BMPR1A: variants seen among roughly 807,000 people sequenced by gnomAD.
BMPR1A encodes bone morphogenetic protein receptor type-1A.
In BMPR1A, 7 loss-of-function variants were observed where a neutral mutation model predicts 66.0. The ratio of observed to expected loss-of-function variants is 0.11; its 90% CI spans 0.06 to 0.20. The LOEUF (loss-of-function observed/expected upper bound fraction) is 0.20, where lower values mean the gene tolerates loss of function less well. Among genes scored for constraint, BMPR1A ranks in the 10% least tolerant of loss-of-function variants. The pLI is 1.00. For synonymous variants in BMPR1A, 200 were observed against 229.7 expected (o/e 0.87, Z 1.17); for missense variants, 408 against 669.1 (o/e 0.61, Z 4.31).
At chr10:86,910,229 C>T (rs182749043) in intron 7 of BMPR1A, among the ~76,000 whole-genome samples, 96 of 151,880 alleles carry the variant, frequency 6.3e-4, no homozygotes, top group Non-Finnish European at 1.1e-3. Context: ...CCCAGCTACT[C>T]GGGAGGCTGA....
chr10:86,890,273 A>G lies in BMPR1A; in HGVS notation c.230+49A>G, dbSNP rs1262952075. 2 of 1,597,400 alleles carry G rather than the reference A, an allele frequency of 1.3e-6. No homozygotes were observed. The highest frequency in any genetic ancestry group is 1.7e-6 in the Non-Finnish European group (2 of 1,165,942). On this transcript the variant is annotated intron_variant, in intron 4 of 12. Coordinates refer to ENST00000372037, the MANE Select transcript of BMPR1A (RefSeq NM_004329.3). ...TTAAGAGTTAGGAGAATAGAGTTGC[A>G]TTTAGTGCTATTTTAAGAATTATTA... is the stretch of plus-strand genomic sequence containing the variant.
chr10:86,815,100 T>C (rs1440604304), intron 1 of BMPR1A, among the ~76,000 whole-genome samples: 1 of 152,220 alleles, frequency 6.6e-6, no homozygotes, highest in African/African-American at 2.4e-5. Context: ...CATTTTCTTA[T>C]AATAACTTCT....
intron 1 of BMPR1A, among the ~76,000 whole-genome samples, chr10:86,787,556 C>T (rs950201902): frequency 6.6e-6 from 1 of 152,170 alleles, no homozygotes; most frequent in African/African-American, 2.4e-5. Flanking sequence ...CTATAATGCT[C>T]ACCTATTAAA....
intron 7 of BMPR1A, among the ~76,000 whole-genome samples, chr10:86,905,445 C>T (rs1281518904): frequency 6.6e-6 from 1 of 152,202 alleles, no homozygotes; most frequent in Non-Finnish European, 1.5e-5. Flanking sequence ...CAAAAGTCTG[C>T]ATTTCCATTC....
intron 1 of BMPR1A, among the ~76,000 whole-genome samples, chr10:86,758,815 TTAAC>T (rs1263503478): frequency 6.6e-6 from 1 of 152,168 alleles, no homozygotes; most frequent in Non-Finnish European, 1.5e-5. Flanking sequence ...ATCAACACAT[TTAAC>T]TACCTTTTTC....
chr10:86,932,804 A>C (rs944715774), downstream of BMPR1A: 2 of 152,228 alleles, frequency 1.3e-5, no homozygotes, highest in Non-Finnish European at 2.9e-5. Context: ...GCCTCTTCAC[A>C]CTGCTTCTGA....
chr10:86,800,698 A>G (rs1564689220), intron 1 of BMPR1A, among the ~76,000 whole-genome samples: 1 of 152,180 alleles, frequency 6.6e-6, no homozygotes, highest in Non-Finnish European at 1.5e-5. Context: ...TGGCCAGGCG[A>G]TTTGTGTTTT....
At chr10:86,795,623 A>G (rs1243243901) in intron 1 of BMPR1A, among the ~76,000 whole-genome samples, 1 of 152,164 alleles carries the variant, frequency 6.6e-6, no homozygotes, top group African/African-American at 2.4e-5. Flanking sequence ...TGCATTTGCC[A>G]CTATGTCTTC....
intron 1 of BMPR1A, among the ~76,000 whole-genome samples, chr10:86,789,977 A>G (rs1841576959): frequency 6.7e-6 from 1 of 150,186 alleles, no homozygotes; most frequent in African/African-American, 2.4e-5. Flanking sequence ...TAACACAGCG[A>G]AACCCCGTCT....
At chr10:86,873,097 G>A (rs2133303349) in intron 2 of BMPR1A, among the ~76,000 whole-genome samples, 1 of 152,206 alleles carries the variant, frequency 6.6e-6, no homozygotes, top group African/African-American at 2.4e-5. Flanking sequence ...AGCTCTGCAG[G>A]GTGCCTTGGT....
intron 2 of BMPR1A, among the ~76,000 whole-genome samples, chr10:86,845,791 A>G (rs369840690): frequency 1.3e-5 from 2 of 152,188 alleles, no homozygotes; most frequent in Admixed American, 6.5e-5. Flanking sequence ...AGGTCAGGAG[A>G]TCGAGACCAT....
At chr10:86,888,148 C>CTT (rs34024160) in intron 3 of BMPR1A, among the ~76,000 whole-genome samples, 32 of 138,306 alleles carry the variant, frequency 2.3e-4, no homozygotes, top group African/African-American at 3.4e-4. Context: ...AAACTTCCAG[C>CTT]TTTTTTTTTT....
At chr10:86,811,687 T>A (rs1041907271) in intron 1 of BMPR1A, among the ~76,000 whole-genome samples, 1 of 152,202 alleles carries the variant, frequency 6.6e-6, no homozygotes, top group Non-Finnish European at 1.5e-5. Flanking sequence ...AGACACACAA[T>A]GTGTGGTTGT....
intron 7 of BMPR1A, among the ~76,000 whole-genome samples, chr10:86,902,044 A>G (rs1843318211): frequency 6.6e-6 from 1 of 152,094 alleles, no homozygotes; most frequent in Admixed American, 6.5e-5. Context: ...TTTTTAGTAA[A>G]GACGGGGGTT....
intron 1 of BMPR1A, among the ~76,000 whole-genome samples, chr10:86,813,495 C>T (rs1459695479): frequency 6.6e-6 from 1 of 152,174 alleles, no homozygotes; most frequent in Non-Finnish European, 1.5e-5. Context: ...CCTCGGAATC[C>T]TGGTTTTCAA....
At chr10:86,884,942 T>G (rs1429922146) in intron 3 of BMPR1A, among the ~76,000 whole-genome samples, 4 of 151,974 alleles carry the variant, frequency 2.6e-5, no homozygotes, top group Non-Finnish European at 5.9e-5. Flanking sequence ...AACTATAATT[T>G]TTTATTGGCC....
chr10:86,890,370 A>G (rs564188521), intron 4 of BMPR1A, 146 bp downstream of exon 4: 6 of 856,888 alleles, frequency 7.0e-6, no homozygotes, highest in Admixed American at 5.1e-5. Context: ...TTTGTTTTGT[A>G]TATTAGAACA....
intron 1 of BMPR1A, among the ~76,000 whole-genome samples, chr10:86,826,417 C>CAT (rs1842196149): frequency 1.3e-5 from 2 of 151,336 alleles, no homozygotes; most frequent in Non-Finnish European, 2.9e-5. Context: ...AGGAAACACA[C>CAT]ACACACACAC....
Position 86,810,495 on chromosome 10 carries a change from T to C in BMPR1A, c.-267-28370T>C, listed in dbSNP as rs77161800. On this transcript the variant is annotated intron_variant, in intron 1 of 12. Coordinates refer to ENST00000372037, the MANE Select transcript of BMPR1A (RefSeq NM_004329.3). ...GCTTAACCATTTGAAGAACTGGTTTTCTTTTCCAAAATGGCTGCACCATTT... is the reference window on the plus strand; with the variant it reads ...GCTTAACCATTTGAAGAACTGGTTTCCTTTTCCAAAATGGCTGCACCATTT... Among the ~76,000 whole-genome samples, 981 of 152,354 alleles carry C rather than the reference T, an allele frequency of 6.4e-3. 10 individuals carry two copies. Among genetic ancestry groups the C allele is most frequent in the African/African-American group, 0.021 (875 of 41,582 alleles).
Sources: allele counts gnomAD v4.1 joint callset (sites outside exome capture counted in the v4.1 genomes callset), GRCh38; gene constraint gnomAD v4.1.1; transcripts MANE v1.5; gene names NCBI Gene and HGNC (gene_info 2026-07-23, HGNC 2026-07-21).